The following ELP4 variants were observed in gnomAD, a reference collection of about 807,000 sequenced individuals.
The protein encoded by ELP4 is elongator acetyltransferase complex subunit 4, also known as elongator complex protein 4.
Under a neutral mutation model 48.9 loss-of-function variants are expected in ELP4, and 51 were observed. The ratio of observed to expected loss-of-function variants is 1.04; its 90% CI spans 0.83 to 1.32. The LOEUF is 1.32. ELP4 is among the 40% of genes most tolerant of loss of function. The pLI is 0.00. For synonymous variants in ELP4, 210 were observed against 189.2 expected (o/e 1.11, Z -0.90); for missense variants, 519 against 514.6 (o/e 1.01, Z -0.08).
chr11:31,571,354 A>G (rs1198169659), intron 3 of ELP4, among the ~76,000 whole-genome samples: 1 of 152,172 alleles, frequency 6.6e-6, no homozygotes, highest in Non-Finnish European at 1.5e-5. Context: ...AAGTTTTCTC[A>G]TGAGATGGCA....
intron 9 of ELP4, among the ~76,000 whole-genome samples, chr11:31,682,509 C>CT (rs1016805615): frequency 3.3e-5 from 5 of 152,044 alleles, no homozygotes; most frequent in Admixed American, 1.3e-4. Flanking sequence ...ATAAATTGAC[C>CT]TTTTTTTTGT....
At position 31,678,495 on chromosome 11, in the gene ELP4, ATGTGTGTGTGTGTGTGTGTG is replaced by A. The variant is rs71060498; in HGVS notation, c.1143+28302_1143+28321del. ...TATTATTTATTGCATACATATATGTATGTGTGTGTGTGTGTGTGTGTGTGTGTGTGTGTGTGTGTGTGTGT... is the reference window on the plus strand; with the variant it reads ...TATTATTTATTGCATACATATATGTATGTGTGTGTGTGTGTGTGTGTGTGT... On this transcript the variant is annotated intron_variant, in intron 9 of 9. Transcript: ENST00000640961. Among the ~76,000 whole-genome samples the A allele has an allele frequency of 9.4e-4, 129 of 137,510 alleles. 2 individuals are homozygous for A. The highest frequency in any genetic ancestry group is 6.8e-3 in the Admixed American group (95 of 13,936). The allele number at this position is 137,510 out of a possible 152,430, so 90.2% of individuals were successfully genotyped here.
intron 5 of ELP4, among the ~76,000 whole-genome samples, chr11:31,609,172 G>A (rs989766079): frequency 1.3e-5 from 2 of 152,154 alleles, no homozygotes; most frequent in Non-Finnish European, 2.9e-5. Flanking sequence ...ATTTAAAACA[G>A]GCCACAGAAG....
At chr11:31,760,513 G>A (rs1947923394) in intron 9 of ELP4, among the ~76,000 whole-genome samples, 1 of 152,078 alleles carries the variant, frequency 6.6e-6, no homozygotes, top group African/African-American at 2.4e-5. Context: ...AAGTATGCTA[G>A]ATTTTTTTAA....
chr11:31,688,629 A>C (rs997088809), intron 9 of ELP4, among the ~76,000 whole-genome samples: 1 of 152,224 alleles, frequency 6.6e-6, no homozygotes. Flanking sequence ...CAAAATCTAT[A>C]CAGCACATTG....
At chr11:31,747,981 A>G (rs1486551063) in intron 9 of ELP4, among the ~76,000 whole-genome samples, 2 of 152,210 alleles carry the variant, frequency 1.3e-5, no homozygotes, top group African/African-American at 2.4e-5. Context: ...AAGCTTAAAA[A>G]CTATTACTTA....
At chr11:31,728,842 T>C (rs1219159504) in intron 9 of ELP4, among the ~76,000 whole-genome samples, 1 of 152,234 alleles carries the variant, frequency 6.6e-6, no homozygotes, top group Non-Finnish European at 1.5e-5. Flanking sequence ...GAAAGAGATA[T>C]ATATTGTTTG....
At chr11:31,570,868 C>T (rs576500776) in intron 3 of ELP4, among the ~76,000 whole-genome samples, 300 of 138,376 alleles carry the variant, frequency 2.2e-3, no homozygotes, top group Middle Eastern at 8.9e-3. Flanking sequence ...GGCACCATCT[C>T]GGCTCACTGC....
chr11:31,720,277 C>A (rs1335109531), intron 9 of ELP4, among the ~76,000 whole-genome samples: 2 of 152,166 alleles, frequency 1.3e-5, no homozygotes, highest in African/African-American at 4.8e-5. Context: ...TAAAATCTTA[C>A]ACCTCTTTTT....
intron 9 of ELP4, among the ~76,000 whole-genome samples, chr11:31,747,585 C>G (rs906274741): frequency 6.6e-6 from 1 of 152,174 alleles, no homozygotes; most frequent in African/African-American, 2.4e-5. Flanking sequence ...TTTGGGCAAC[C>G]TGTGGTCACC....
intron 9 of ELP4, among the ~76,000 whole-genome samples, chr11:31,660,482 G>A (rs1565100112): frequency 2.0e-5 from 3 of 152,062 alleles, no homozygotes; most frequent in South Asian, 2.1e-4. Context: ...AAAGGCTAGC[G>A]CAAAGTAGCT....
At chr11:31,510,431 A>G (rs1055908959) in intron 1 of ELP4, 1 of 411,350 alleles carries the variant, frequency 2.4e-6, no homozygotes, top group African/African-American at 2.0e-5. Flanking sequence ...AGACTTCATT[A>G]GAAGATGCTG....
chr11:31,510,121 G>A, intron 1 of ELP4, 114 bp downstream of exon 1: 1 of 945,130 alleles, frequency 1.1e-6, no homozygotes, highest in South Asian at 1.5e-5. Flanking sequence ...TTCGGAGGAG[G>A]AGAGAATAGC....
chr11:31,693,448 T>C (rs1946325642), intron 9 of ELP4, among the ~76,000 whole-genome samples: 1 of 152,144 alleles, frequency 6.6e-6, no homozygotes, highest in Non-Finnish European at 1.5e-5. Context: ...CTGAGAATGA[T>C]GGTTTCCAGC....
At chr11:31,561,348 A>C (rs1429760267) in intron 3 of ELP4, among the ~76,000 whole-genome samples, 2 of 152,196 alleles carry the variant, frequency 1.3e-5, no homozygotes, top group African/African-American at 4.8e-5. Context: ...AGAAATATTA[A>C]TAGATGCCAA....
At chr11:31,580,152 G>A (rs904042771) in intron 3 of ELP4, among the ~76,000 whole-genome samples, 1 of 150,006 alleles carries the variant, frequency 6.7e-6, no homozygotes, top group Non-Finnish European at 1.5e-5. Context: ...AGGCCTCTTG[G>A]GTTGGATATT....
At chr11:31,714,067 G>A (rs1042930961) in intron 9 of ELP4, among the ~76,000 whole-genome samples, 7 of 152,178 alleles carry the variant, frequency 4.6e-5, no homozygotes, top group African/African-American at 1.7e-4. Context: ...CAGTGTCTGT[G>A]ATGGTATAGA....
chr11:31,723,723 A>G (rs532052586), intron 9 of ELP4, among the ~76,000 whole-genome samples: 4 of 152,332 alleles, frequency 2.6e-5, no homozygotes, highest in South Asian at 2.1e-4. Flanking sequence ...GGAGGATTCA[A>G]ACCCTGACAG....
At position 31,786,585 on chromosome 11, in the gene ELP4, T is replaced by C. The variant is rs1048346538; in HGVS notation, c.*3061T>C. ...ATGAGAGGCCCAGAGTAAAAAGAAATAAGCAAAAGAATATAGACACAATCC... is the reference window on the plus strand; with the variant it reads ...ATGAGAGGCCCAGAGTAAAAAGAAACAAGCAAAAGAATATAGACACAATCC... On this transcript the variant is annotated 3_prime_UTR_variant, in exon 10 of 10. Transcript: ENST00000640961. 1 of 225,824 alleles carries C rather than the reference T, an allele frequency of 4.4e-6. No homozygotes were observed. The highest frequency in any genetic ancestry group is 8.8e-6 in the Non-Finnish European group (1 of 113,396). 14.0% of individuals were successfully genotyped at this position (225,824 alleles called of 1,614,324 possible). A position where few individuals can be genotyped will look rare whatever the true frequency, so the allele number is the denominator to read the frequency against.
Sources: allele counts gnomAD v4.1 joint callset (sites outside exome capture counted in the v4.1 genomes callset), GRCh38; gene constraint gnomAD v4.1.1; transcripts MANE v1.5; gene names NCBI Gene and HGNC (gene_info 2026-07-23, HGNC 2026-07-21).